TFAP2B: variants seen among roughly 807,000 people sequenced by gnomAD.
The protein encoded by TFAP2B is transcription factor AP-2-beta.
Under a neutral mutation model 44.3 loss-of-function variants are expected in TFAP2B, and 9 were observed. That is an observed-to-expected ratio of 0.20 (90% CI 0.12 to 0.35). TFAP2B has a LOEUF of 0.35. Among genes scored for constraint, TFAP2B ranks in the 10% least tolerant of loss-of-function variants. The pLI is 1.00. For synonymous variants in TFAP2B, 270 were observed against 263.8 expected (o/e 1.02, Z -0.23); for missense variants, 509 against 600.0 (o/e 0.85, Z 1.59).
rs1231657370 is a variant in TFAP2B, at chr6:50,843,281, G to C, written c.1272G>C (p.Ala424=). The C allele has an allele frequency of 6.2e-7, 1 of 1,614,144 alleles. No homozygotes were observed. Among genetic ancestry groups the C allele is most frequent in the Non-Finnish European group, 8.5e-7 (1 of 1,180,042 alleles). Residue 424 remains alanine, a synonymous_variant, in exon 7 of 7, where the codon GCG becomes GCC. Coordinates refer to ENST00000393655, the MANE Select transcript of TFAP2B (RefSeq NM_003221.4). ...LTALQNYLTE[A]LKGMDKMFLN... ...CCCTGCAGAACTATCTCACCGAGGC[G>C]CTCAAAGGCATGGACAAGATGTTCT... is the stretch of plus-strand genomic sequence containing the variant.
intron 5 of TFAP2B, among the ~76,000 whole-genome samples, chr6:50,839,243 C>T (rs1203168581): frequency 2.6e-5 from 4 of 152,112 alleles, no homozygotes; most frequent in Admixed American, 2.0e-4. Context: ...AACTGGAAAC[C>T]CCACTAAAAT....
At chr6:50,830,229 T>C in intron 3 of TFAP2B, 1 of 859,102 alleles carries the variant, frequency 1.2e-6, no homozygotes, top group Non-Finnish European at 1.4e-6. Flanking sequence ...TTCTGTATCC[T>C]AGCAACATCA....
In TFAP2B at chr6:50,846,014, T is replaced by C. The variant is rs1422916394; in HGVS notation, c.*2622T>C. 1.3e-5 allele frequency: 2 copies of C among 152,532 alleles called. No homozygotes were observed. The highest frequency in any genetic ancestry group is 6.5e-5 in the Admixed American group (1 of 15,278). The allele number at this position is 152,532 out of a possible 1,614,324, so 9.4% of individuals were successfully genotyped here. A position where few individuals can be genotyped will look rare whatever the true frequency, so the allele number is the denominator to read the frequency against. On this transcript the variant is annotated 3_prime_UTR_variant, in exon 7 of 7. Coordinates refer to ENST00000393655, the MANE Select transcript of TFAP2B (RefSeq NM_003221.4). ...TCCTGGAGGGAGAGTGGCCTAGAAATATCCAAGGAATCCGAAGCTTCCCCT... is the reference window on the plus strand; with the variant it reads ...TCCTGGAGGGAGAGTGGCCTAGAAACATCCAAGGAATCCGAAGCTTCCCCT...
In TFAP2B at chr6:50,843,082, C is replaced by T; in HGVS notation, c.1083-10C>T. On this transcript the variant is annotated splice_polypyrimidine_tract_variant and intron_variant, in intron 6 of 6. Transcript: ENST00000393655. Reference sequence around the variant, plus strand: ...GGGTGATTTTCTGTGCCTCGCCCACCCCTTTGCAGGCAACTTTGTAAAGAA... The same window carrying T: ...GGGTGATTTTCTGTGCCTCGCCCACTCCTTTGCAGGCAACTTTGTAAAGAA... 1 of 1,614,234 alleles carries T rather than the reference C, an allele frequency of 6.2e-7. No individual in the cohort carries two copies. Among genetic ancestry groups the T allele is most frequent in the Non-Finnish European group, 8.5e-7 (1 of 1,180,052 alleles).
chr6:50,823,544 C>A lies in TFAP2B; in HGVS notation c.219C>A (p.Pro73=). 6.2e-7 allele frequency: 1 copy of A among 1,614,024 alleles called. No individual in the cohort carries two copies. Among genetic ancestry groups the A allele is most frequent in the Non-Finnish European group, 8.5e-7 (1 of 1,179,984 alleles). Residue 73 remains proline, a synonymous_variant, in exon 2 of 7, where the codon CCC becomes CCA. Transcript: ENST00000393655. ...TCCAGCCGCCCTACTTCCCACCCCC[C>A]TACCAGCCGCTCCCCTACCACCAGA... The part of the protein sequence containing the change: ...SDFQPPYFPP[P]YQPLPYHQSQ...
At chr6:50,819,882 G>A (rs1770284676) in intron 1 of TFAP2B, among the ~76,000 whole-genome samples, 1 of 151,830 alleles carries the variant, frequency 6.6e-6, no homozygotes, top group Non-Finnish European at 1.5e-5. Flanking sequence ...AGAGGCGGCC[G>A]AGGCGGGCGA....
In TFAP2B at chr6:50,828,048, T is replaced by A. The variant is rs771833778; in HGVS notation, c.541-571T>A. On this transcript the variant is annotated intron_variant, in intron 2 of 6. Transcript: ENST00000393655. ...TGAAGGTTCCTCCAAGAGACTGTCA[T>A]TGTGCAGCAAGAAGCTCATAGTTTA... 2.0e-5 allele frequency among the ~76,000 whole-genome samples: 3 copies of A among 152,176 alleles called. No individual in the cohort carries two copies. The South Asian group carries it at 6.2e-4, about 32-fold the overall frequency.
In TFAP2B at chr6:50,845,938, T is replaced by C. The variant is rs1762839261; in HGVS notation, c.*2546T>C. ...GGTAATGGGGCGGCGCCCGGTGGGC[T>C]GCAGGTGGGGAGGGCTCCCAGCGCC... On this transcript the variant is annotated 3_prime_UTR_variant, in exon 7 of 7. Transcript: ENST00000393655. 1 of 152,594 alleles carries C rather than the reference T, an allele frequency of 6.6e-6. No homozygotes were observed. Among genetic ancestry groups the C allele is most frequent in the South Asian group, 2.1e-4 (1 of 4,830 alleles). The allele number at this position is 152,594 out of a possible 1,614,324, so 9.5% of individuals were successfully genotyped here. A position where few individuals can be genotyped will look rare whatever the true frequency, so the allele number is the denominator to read the frequency against.
rs890433875 is a variant in TFAP2B, at chr6:50,830,351, A to G, written c.601+1672A>G. On this transcript the variant is annotated intron_variant, in intron 3 of 6. Transcript: ENST00000393655. Reference sequence around the variant, plus strand: ...CTTGCCTAGCAAAACAGAGCTGAAGATTTTCTTAGATGTGGGATGCTTTGG... The same window carrying G: ...CTTGCCTAGCAAAACAGAGCTGAAGGTTTTCTTAGATGTGGGATGCTTTGG... 8.2e-6 allele frequency: 8 copies of G among 971,082 alleles called. No individual in the cohort carries two copies. In the African/African-American group the frequency reaches 1.2e-4, roughly 15 times the overall value. 60.2% of individuals were successfully genotyped at this position (971,082 alleles called of 1,614,324 possible). A position where few individuals can be genotyped will look rare whatever the true frequency, so the allele number is the denominator to read the frequency against.
rs1762834196 is a variant in TFAP2B at position 50,845,802 on chromosome 6, T to A, written c.*2410T>A. On this transcript the variant is annotated 3_prime_UTR_variant, in exon 7 of 7. Transcript: ENST00000393655. ...CGTGTGGGCCACAGGCGCCCAGTCG[T>A]GTTGAGGACATAGAATCAGCCGCTG... is the stretch of plus-strand genomic sequence containing the variant. 6.5e-6 allele frequency: 1 copy of A among 152,714 alleles called. No individual in the cohort carries two copies. Among genetic ancestry groups the A allele is most frequent in the Admixed American group, 6.5e-5 (1 of 15,288 alleles). The allele number at this position is 152,714 out of a possible 1,614,324, so 9.5% of individuals were successfully genotyped here.
At position 50,843,334 on chromosome 6, in the gene TFAP2B, C is replaced by T; in HGVS notation, c.1325C>T (p.Thr442Met). The change falls in exon 7 of 7, where the codon ACG (threonine) becomes ATG (methionine). Residue 442 changes from threonine (T) to methionine (M), a missense_variant. By Grantham distance (81) the Thr-to-Met change is moderately conservative. Around this residue, in one of 3 missense-constraint regions of TFAP2B, gnomAD observed 168 missense variants for 183.2 expected, o/e 0.92. Coordinates refer to ENST00000393655, the MANE Select transcript of TFAP2B (RefSeq NM_003221.4). ...FLNNTTTNRH[T>M]SGEGPGSKTG... is the part of the protein sequence containing the mutation. ...AACAACACCACCACTAACAGGCACA[C>T]GTCTGGGGAAGGCCCAGGTAGTAAA... The T allele has an allele frequency of 3.1e-6, 5 of 1,613,950 alleles. No individual in the cohort carries two copies. Among genetic ancestry groups the T allele is most frequent in the Non-Finnish European group, 4.2e-6 (5 of 1,180,022 alleles).
At position 50,843,242 on chromosome 6, in the gene TFAP2B, C is replaced by T; in HGVS notation, c.1233C>T (p.Cys411=). 6.2e-7 allele frequency: 1 copy of T among 1,614,222 alleles called. No individual in the cohort carries two copies. The change falls in exon 7 of 7, where the codon TGC becomes TGT. Residue 411 remains cysteine (C), a synonymous_variant. Transcript: ENST00000393655. ...ITHGFGAPAI[C]AALTALQNYL... is the part of the protein sequence containing the mutation. ...ACGGCTTCGGCGCCCCGGCCATTTG[C>T]GCCGCGCTCACGGCCCTGCAGAACT...
chr6:50,827,383 C>A (rs1377814502), intron 2 of TFAP2B, among the ~76,000 whole-genome samples: 1 of 152,156 alleles, frequency 6.6e-6, no homozygotes, highest in Non-Finnish European at 1.5e-5. Context: ...TGGAGAATAA[C>A]AATTTTGCTC....
chr6:50,827,079 T>C (rs1464856517), intron 2 of TFAP2B, among the ~76,000 whole-genome samples: 3 of 152,312 alleles, frequency 2.0e-5, no homozygotes, highest in Non-Finnish European at 2.9e-5. Flanking sequence ...ACGTCGCTGA[T>C]GAGGCGTTTA....
intron 4 of TFAP2B, among the ~76,000 whole-genome samples, 167 bp from the exon 5 acceptor site, chr6:50,837,808 A>T (rs1762652174): frequency 6.6e-6 from 1 of 152,220 alleles, no homozygotes; most frequent in Admixed American, 6.5e-5. Flanking sequence ...GCAGAAATTA[A>T]GCAAACCTCA....
intron 1 of TFAP2B, 78 bp from the exon 2 acceptor site, chr6:50,823,329 C>G: frequency 7.9e-7 from 1 of 1,272,090 alleles, no homozygotes; most frequent in Non-Finnish European, 1.1e-6. Flanking sequence ...TCTCTGTACT[C>G]TCTGTCTCTC....
intron 6 of TFAP2B, among the ~76,000 whole-genome samples, chr6:50,842,275 C>T (rs1762748707): frequency 6.6e-6 from 1 of 152,202 alleles, no homozygotes; most frequent in African/African-American, 2.4e-5. Context: ...CAAATAAGCT[C>T]AATCCATAGG....
chr6:50,838,977 A>G (rs1177702676), intron 5 of TFAP2B, among the ~76,000 whole-genome samples: 1 of 152,202 alleles, frequency 6.6e-6, no homozygotes, highest in East Asian at 1.9e-4. Flanking sequence ...ATATTAAAAT[A>G]TTTAGGCAGC....
At chr6:50,839,914 G>T (rs1355696465) in intron 5 of TFAP2B, among the ~76,000 whole-genome samples, 2 of 152,180 alleles carry the variant, frequency 1.3e-5, no homozygotes, top group African/African-American at 4.8e-5. Flanking sequence ...GCTATTCAGG[G>T]GATGTCTAGC....
Sources: allele counts gnomAD v4.1 joint callset (sites outside exome capture counted in the v4.1 genomes callset), GRCh38; gene constraint gnomAD v4.1.1; regional missense constraint gnomAD v4.1.1; transcripts MANE v1.5; gene names NCBI Gene and HGNC (gene_info 2026-07-23, HGNC 2026-07-21).